Variants in NIN observed in about 807,000 individuals in gnomAD.
NIN encodes the protein glycogen synthase kinase 3 beta-interacting protein.
A neutral mutation model predicts 257.6 loss-of-function variants in NIN; 137 were observed. That is an observed-to-expected ratio of 0.53 (90% CI 0.46 to 0.61). The LOEUF is 0.61. NIN is among the 20% of genes least tolerant of loss of function. The probability of loss-of-function intolerance (pLI) is 0.00; values close to 1 mark genes in which losing one functional copy is unlikely to be tolerated. For missense variants in NIN, 2,439 were observed against 2,501.2 expected, an observed-to-expected ratio of 0.98 and a Z score of 0.53; for synonymous variants, 918 against 919.8, an observed-to-expected ratio of 1.00 and a Z score of 0.04.
At chr14:50,779,631 G>A (rs1404105441) in intron 5 of NIN, among the ~76,000 whole-genome samples, 4 of 152,130 alleles carry the variant, frequency 2.6e-5, no homozygotes, top group Non-Finnish European at 5.9e-5. Flanking sequence ...GGTGGCGGGT[G>A]CCTGTAGTCC....
intron 2 of NIN, among the ~76,000 whole-genome samples, chr14:50,826,236 A>G (rs2045452368): frequency 6.6e-6 from 1 of 152,194 alleles, no homozygotes; most frequent in African/African-American, 2.4e-5. Context: ...AGTGTTACGA[A>G]GCCTGCCATA....
At chr14:50,783,664 G>A (rs552296768) in intron 5 of NIN, among the ~76,000 whole-genome samples, 1 of 151,988 alleles carries the variant, frequency 6.6e-6, no homozygotes, top group South Asian at 2.1e-4. Flanking sequence ...GGTGGGTGGG[G>A]GAAGATTCAA....
At chr14:50,813,035 T>G (rs1011042241) in intron 3 of NIN, among the ~76,000 whole-genome samples, 2 of 152,194 alleles carry the variant, frequency 1.3e-5, no homozygotes, top group Non-Finnish European at 2.9e-5. Context: ...TTCAAAGAGA[T>G]AGTTCTCTTG....
At chr14:50,782,413 C>T (rs971581242) in intron 5 of NIN, among the ~76,000 whole-genome samples, 2 of 151,996 alleles carry the variant, frequency 1.3e-5, no homozygotes, top group African/African-American at 2.4e-5. Flanking sequence ...TATAATGATA[C>T]ATTATAATGC....
At chr14:50,734,593 A>G (rs1486888239) in intron 28 of NIN, among the ~76,000 whole-genome samples, 3 of 152,248 alleles carry the variant, frequency 2.0e-5, no homozygotes, top group Admixed American at 2.0e-4. Flanking sequence ...GTTATATCCT[A>G]TAATTAAACT....
intron 3 of NIN, among the ~76,000 whole-genome samples, chr14:50,820,814 A>G (rs1256137255): frequency 6.6e-6 from 1 of 152,214 alleles, no homozygotes; most frequent in Non-Finnish European, 1.5e-5. Flanking sequence ...GTGCCTGAGA[A>G]TATCATCTTT....
In NIN at chr14:50,760,377, C is replaced by T; in HGVS notation, c.1897-18G>A. Reference sequence around the variant, plus strand: ...TGGCGCACCTGAAGGCACAGAGTGACACCACCACAAGATTACTCAGCTCAA... The same window carrying T: ...TGGCGCACCTGAAGGCACAGAGTGATACCACCACAAGATTACTCAGCTCAA... On this transcript the variant is annotated intron_variant, in intron 16 of 30. Coordinates refer to ENST00000530997, the MANE Select transcript of NIN (RefSeq NM_020921.4). The T allele has an allele frequency of 4.5e-6, 7 of 1,540,032 alleles. No individual in the cohort carries two copies. The highest frequency in any genetic ancestry group is 6.1e-6 in the Non-Finnish European group (7 of 1,142,012).
intron 3 of NIN, among the ~76,000 whole-genome samples, chr14:50,807,796 T>C (rs2044396767): frequency 6.6e-6 from 1 of 152,232 alleles, no homozygotes; most frequent in Non-Finnish European, 1.5e-5. Context: ...TATCATGTCT[T>C]ATCTATGCAA....
In NIN at chr14:50,744,317, C is replaced by G. The variant is rs766643285; in HGVS notation, c.5113G>C (p.Val1705Leu). 1 of 1,614,072 alleles carries G rather than the reference C, an allele frequency of 6.2e-7. No homozygotes were observed. The highest frequency in any genetic ancestry group is 8.5e-7 in the Non-Finnish European group (1 of 1,179,984). ...LSDFQQKISS[V>L]LSYNEKLLKE... ...AGCAGTTTTTCGTTGTAGCTTAGAA[C>G]ACTAGAGATTTTTTGCTGGAAGTCA... Residue 1705 changes from valine (V) to leucine (L), a missense_variant, in exon 23 of 31, where the codon GTT becomes CTT. Physicochemically the swap from Val to Leu is conservative, Grantham distance 32 (BLOSUM62 1). Around this residue, in one of 3 missense-constraint regions of NIN, gnomAD observed 2,043 missense variants for 2,050.2 expected, o/e 1.00. Coordinates refer to ENST00000530997, the MANE Select transcript of NIN (RefSeq NM_020921.4).
Position 50,734,383 on chromosome 14 carries a change from C to A in NIN, c.5877+1133G>T, listed in dbSNP as rs116305116. ...CTGGGATTACAGGGGTAAGCCACTGCGCCCGGCCCCATTTCTTCTTATAAT... is the reference window on the plus strand; with the variant it reads ...CTGGGATTACAGGGGTAAGCCACTGAGCCCGGCCCCATTTCTTCTTATAAT... On this transcript the variant is annotated intron_variant, in intron 28 of 30. Coordinates refer to ENST00000530997, the MANE Select transcript of NIN (RefSeq NM_020921.4). Among the ~76,000 whole-genome samples the A allele has an allele frequency of 1.4e-3, 211 of 152,126 alleles. 4 individuals are homozygous for A. The highest frequency in any genetic ancestry group is 0.012 in the Admixed American group (180 of 15,284).
intron 22 of NIN, among the ~76,000 whole-genome samples, chr14:50,745,216 G>A (rs188489362): frequency 1.2e-4 from 19 of 152,180 alleles, no homozygotes; most frequent in Admixed American, 4.6e-4. Flanking sequence ...TGGGGGTCGC[G>A]GGGCATTCTG....
At position 50,821,961 on chromosome 14, in the gene NIN, T is replaced by C. The variant is rs2045242824; in HGVS notation, c.96A>G (p.Glu32=). 6.2e-7 allele frequency: 1 copy of C among 1,613,922 alleles called. No homozygotes were observed. The highest frequency in any genetic ancestry group is 1.3e-5 in the African/African-American group (1 of 74,852). The change falls in exon 3 of 31, where the codon GAA becomes GAG. Residue 32 remains glutamate (E), a synonymous_variant. Transcript: ENST00000530997. ...TCAACATGTGGCAAAGGTCGGTGAGTTCCTCCTGCCCCAGGGACCCTGTGC... is the reference window on the plus strand; with the variant it reads ...TCAACATGTGGCAAAGGTCGGTGAGCTCCTCCTGCCCCAGGGACCCTGTGC... ...TTGTGSLGQE[E]LTDLCHMLSL...
intron 27 of NIN, 95 bp from the exon 28 acceptor site, chr14:50,735,712 T>G (rs2040942020): frequency 1.4e-6 from 2 of 1,433,876 alleles, no homozygotes; most frequent in Non-Finnish European, 1.8e-6. Context: ...GTCAGAAATC[T>G]CAACTCTTGG....
Position 50,759,911 on chromosome 14 carries a change from T to C in NIN, c.2345A>G (p.Glu782Gly). The C allele has an allele frequency of 6.2e-7, 1 of 1,614,050 alleles. No individual in the cohort carries two copies. Among genetic ancestry groups the C allele is most frequent in the African/African-American group, 1.3e-5 (1 of 75,032 alleles). Residue 782 changes from glutamate (E) to glycine (G), a missense_variant, in exon 17 of 31, where the codon GAG becomes GGG. By Grantham distance (98) the Glu-to-Gly change is moderately conservative (BLOSUM62 -2). Coordinates refer to ENST00000530997, the MANE Select transcript of NIN (RefSeq NM_020921.4). ...TTCCAAGAGCTCTTTTCTTAACTCC[T>C]CTTTCTCAAGAGTGTGTTTCTCCAC... ...SLVEKHTLEK[E>G]ELRKELLEKH...
chr14:50,779,755 C>CT (rs2043060266), intron 5 of NIN, among the ~76,000 whole-genome samples: 1 of 145,274 alleles, frequency 6.9e-6, no homozygotes, highest in African/African-American at 2.6e-5. Flanking sequence ...GAGACTCCGT[C>CT]TCAAAAAAAA....
chr14:50,722,230 A>T lies in NIN; in HGVS notation c.*1233T>A, dbSNP rs1302625651. ...AAGTTTTGATCTTGAGCATGAGTGGAAAGTCCTATTTGGCACTCCTTGACC... is the reference window on the plus strand; with the variant it reads ...AAGTTTTGATCTTGAGCATGAGTGGTAAGTCCTATTTGGCACTCCTTGACC... On this transcript the variant is annotated 3_prime_UTR_variant, in exon 31 of 31. Coordinates refer to ENST00000530997, the MANE Select transcript of NIN (RefSeq NM_020921.4). 1 of 225,314 alleles carries T rather than the reference A, an allele frequency of 4.4e-6. No homozygotes were observed. The highest frequency in any genetic ancestry group is 6.4e-5 in the East Asian group (1 of 15,698). 14.0% of individuals were successfully genotyped at this position (225,314 alleles called of 1,614,324 possible).
At position 50,773,655 on chromosome 14, in the gene NIN, A is replaced by G. The variant is rs374799980; in HGVS notation, c.667-560T>C. Among the ~76,000 whole-genome samples, 32 of 152,346 alleles carry G rather than the reference A, an allele frequency of 2.1e-4. 1 individual carries two copies. In the East Asian group the frequency reaches 5.2e-3, roughly 25 times the overall value. ...GGTTTAGAACCTTACTTGTAACAAT[A>G]CTGAGTGTGTTGGCTTTTTGCTTTA... On this transcript the variant is annotated intron_variant, in intron 7 of 30. Transcript: ENST00000530997.
chr14:50,831,149 G>A lies in NIN; in HGVS notation c.-219C>T, dbSNP rs1259749808. ...GCGGCCACCCGGAGCTCTGGACGCCGGGGAGGAAGGGCCGGGCCCGCGCGG... is the reference window on the plus strand; with the variant it reads ...GCGGCCACCCGGAGCTCTGGACGCCAGGGAGGAAGGGCCGGGCCCGCGCGG... On this transcript the variant is annotated 5_prime_UTR_variant, in exon 1 of 31. Coordinates refer to ENST00000530997, the MANE Select transcript of NIN (RefSeq NM_020921.4). The A allele has an allele frequency of 2.0e-5, 3 of 150,406 alleles. No homozygotes were observed. The highest frequency in any genetic ancestry group is 4.8e-5 in the African/African-American group (2 of 41,244). The allele number at this position is 150,406 out of a possible 1,614,324, so 9.3% of individuals were successfully genotyped here.
intron 2 of NIN, among the ~76,000 whole-genome samples, chr14:50,825,837 T>C (rs1255201807): frequency 1.3e-5 from 2 of 152,236 alleles, no homozygotes; most frequent in Non-Finnish European, 2.9e-5. Context: ...CAAATTGGAA[T>C]TGAGAAGCAG....
Sources: gnomAD v4.1 joint callset for allele counts (sites outside exome capture counted in the v4.1 genomes callset) on GRCh38, gnomAD v4.1.1 for gene constraint, gnomAD v4.1.1 regional missense constraint, MANE v1.5 for transcripts, NCBI Gene and HGNC (gene_info 2026-07-23, HGNC 2026-07-21) for gene names.